FAT4: variants seen among roughly 807,000 people sequenced by gnomAD.
FAT4 encodes the protein protocadherin Fat 4.
In FAT4, 84 loss-of-function variants were observed where a neutral mutation model predicts 303.9. The ratio of observed to expected loss-of-function variants is 0.28; its 90% confidence interval spans 0.23 to 0.33. The LOEUF (loss-of-function observed/expected upper bound fraction) is 0.33. Ranked by LOEUF, FAT4 falls within the 10% of genes least tolerant of loss-of-function variation. FAT4 has a pLI of 1.00. For synonymous variants in FAT4, 2,307 were observed against 2,298.8 expected, an observed-to-expected ratio of 1.00 and a Z score of -0.10; for missense variants, 6,005 against 6,146.8, an observed-to-expected ratio of 0.98 and a Z score of 0.77.
intron 10 of FAT4, among the ~76,000 whole-genome samples, chr4:125,454,582 C>T (rs887407239): frequency 6.6e-6 from 1 of 152,076 alleles, no homozygotes; most frequent in Non-Finnish European, 1.5e-5. Context: ...GCCTGTAATC[C>T]CAGGACTTTG....
chr4:125,391,477 G>A (rs1386408040), intron 2 of FAT4, among the ~76,000 whole-genome samples: 4 of 152,018 alleles, frequency 2.6e-5, no homozygotes, highest in South Asian at 2.1e-4. Context: ...ATGAGAACAC[G>A]TGGACACAGA....
intron 2 of FAT4, among the ~76,000 whole-genome samples, chr4:125,330,805 C>T (rs1182012002): frequency 6.6e-6 from 1 of 152,068 alleles, no homozygotes; most frequent in African/African-American, 2.4e-5. Flanking sequence ...TTTCATTTGC[C>T]CAAAAACTTC....
At chr4:125,339,761 C>A (rs1217193266) in intron 2 of FAT4, among the ~76,000 whole-genome samples, 2 of 151,996 alleles carry the variant, frequency 1.3e-5, no homozygotes, top group Admixed American at 1.3e-4. Context: ...GACCTAGAGC[C>A]AAGATTTCAG....
At chr4:125,463,524 G>T (rs1172777545) in intron 10 of FAT4, 39 bp from the exon 11 acceptor site, 1 of 1,233,964 alleles carries the variant, frequency 8.1e-7, no homozygotes, top group Admixed American at 2.0e-5. Context: ...ATATATTTAT[G>T]TATGAGATTT....
intron 2 of FAT4, among the ~76,000 whole-genome samples, chr4:125,365,255 G>A (rs896976791): frequency 1.1e-4 from 16 of 152,104 alleles, no homozygotes; most frequent in African/African-American, 3.6e-4. Context: ...TATCCAGCAG[G>A]CAGATGGATA....
At chr4:125,337,592 G>C (rs1731622230) in intron 2 of FAT4, among the ~76,000 whole-genome samples, 1 of 152,100 alleles carries the variant, frequency 6.6e-6, no homozygotes, top group South Asian at 2.1e-4. Context: ...TGTAGATTTA[G>C]TAGTAGAAGA....
At position 125,318,297 on chromosome 4, in the gene FAT4, G is replaced by A. The variant is rs1446785995; in HGVS notation, c.1886G>A (p.Arg629Gln). The A allele has an allele frequency of 3.7e-6, 6 of 1,614,208 alleles. No homozygotes were observed. The highest frequency in any genetic ancestry group is 2.2e-5 in the South Asian group (2 of 91,084). The change falls in exon 2 of 18, where the codon CGG becomes CAG. Residue 629 changes from arginine (R) to glutamine (Q), a missense_variant. Transcript: ENST00000394329. ...RFSLQEAETD[R>Q]RSFRLDPVSG... is the part of the protein sequence containing the mutation. ...TCCTTACAAGAGGCAGAGACTGACC[G>A]GAGGTCCTTCCGTCTGGATCCTGTG...
chr4:125,479,908 A>T (rs1351286323), intron 15 of FAT4, 43 bp downstream of exon 15: 1 of 1,456,400 alleles, frequency 6.9e-7, no homozygotes, highest in Non-Finnish European at 9.2e-7. Flanking sequence ...TTTAATAACT[A>T]TGAAAAGTAA....
In FAT4 at chr4:125,415,654, G is replaced by GCAA; in HGVS notation, c.6694_6696dup (p.Thr2232dup). On this transcript the variant is annotated inframe_insertion, in exon 6 of 18. Transcript: ENST00000394329. ...CCCTACCTACCATTTAACTGTTCAG[G>GCAA]CAACAGATCGAGGCAGCACACCCAG... is the stretch of plus-strand genomic sequence containing the variant. The GCAA allele has an allele frequency of 6.2e-7, 1 of 1,613,966 alleles. No homozygotes were observed.
chr4:125,378,384 A>G (rs1196061573), intron 2 of FAT4, among the ~76,000 whole-genome samples: 1 of 152,122 alleles, frequency 6.6e-6, no homozygotes, highest in African/African-American at 2.4e-5. Flanking sequence ...AAGTTAATGA[A>G]GTATAATTAT....
chr4:125,412,794 T>G (rs1734896352), intron 5 of FAT4, among the ~76,000 whole-genome samples: 1 of 151,932 alleles, frequency 6.6e-6, no homozygotes, highest in Non-Finnish European at 1.5e-5. Context: ...ATCTTAGATA[T>G]GAAAGATTTT....
chr4:125,326,870 C>G (rs1471911435), intron 2 of FAT4, among the ~76,000 whole-genome samples: 3 of 152,004 alleles, frequency 2.0e-5, no homozygotes, highest in Admixed American at 6.6e-5. Context: ...ACTAAAAATA[C>G]AAAAATTTGC....
chr4:125,386,603 T>A (rs975396594), intron 2 of FAT4, among the ~76,000 whole-genome samples: 1 of 152,170 alleles, frequency 6.6e-6, no homozygotes, highest in Admixed American at 6.6e-5. Flanking sequence ...CTAAATAGAA[T>A]TAAAGAACAA....
At chr4:125,378,775 C>T in intron 2 of FAT4, among the ~76,000 whole-genome samples, 1 of 151,906 alleles carries the variant, frequency 6.6e-6, no homozygotes, top group Middle Eastern at 3.2e-3. Context: ...GTCTTTGTAA[C>T]CTAGAATATT....
chr4:125,479,699 A>AT (rs755953057), intron 14 of FAT4, 42 bp from the exon 15 acceptor site: 1 of 1,470,638 alleles, frequency 6.8e-7, no homozygotes, highest in South Asian at 1.5e-5. Flanking sequence ...ACTTCTCCTC[A>AT]TCTTTTATGT....
At chr4:125,400,722 A>AAG (rs1734357379) in intron 3 of FAT4, among the ~76,000 whole-genome samples, 2 of 151,768 alleles carry the variant, frequency 1.3e-5, no homozygotes, top group Admixed American at 1.3e-4. Context: ...AGTTTAAAAA[A>AAG]AAATGTAAGT....
At chr4:125,438,264 G>T (rs1691851478) in intron 8 of FAT4, among the ~76,000 whole-genome samples, 1 of 152,108 alleles carries the variant, frequency 6.6e-6, no homozygotes, top group Admixed American at 6.6e-5. Flanking sequence ...CTATAATAAA[G>T]TAAATGCTGT....
At chr4:125,362,824 G>A (rs1043603527) in intron 2 of FAT4, 10 of 152,038 alleles carry the variant, frequency 6.6e-5, no homozygotes, top group Non-Finnish European at 1.5e-4. Flanking sequence ...AAGATAGCTG[G>A]TCTGAAGGTA....
At chr4:125,462,748 AT>A (rs1726524765) in intron 10 of FAT4, among the ~76,000 whole-genome samples, 1 of 152,004 alleles carries the variant, frequency 6.6e-6, no homozygotes, top group Admixed American at 6.6e-5. Context: ...AGAGGCTTTT[AT>A]TCTTCACTTT....
Sources: gnomAD v4.1 joint callset for allele counts (sites outside exome capture counted in the v4.1 genomes callset) on GRCh38, gnomAD v4.1.1 for gene constraint, MANE v1.5 for transcripts, NCBI Gene and HGNC (gene_info 2026-07-23, HGNC 2026-07-21) for gene names.